Variants in CELSR2 observed in about 807,000 individuals in gnomAD.
CELSR2 encodes the protein EGF-like protein 2.
Under a neutral mutation model 251.6 loss-of-function variants are expected in CELSR2, and 81 were observed. The ratio of observed to expected loss-of-function variants is 0.32; its 90% confidence interval spans 0.27 to 0.39. The LOEUF is 0.39. Among genes scored for constraint, CELSR2 ranks in the 10% least tolerant of loss-of-function variants. CELSR2 has a pLI of 1.00. For missense variants in CELSR2, 3,365 were observed against 3,947.7 expected (o/e 0.85, Z 3.96); for synonymous variants, 1,721 against 1,670.5 (o/e 1.03, Z -0.74).
chr1:109,250,481 G>A lies in CELSR2; in HGVS notation c.402G>A (p.Glu134=), dbSNP rs1356282964. 1.9e-6 allele frequency: 3 copies of A among 1,613,644 alleles called. No homozygotes were observed. The highest frequency in any genetic ancestry group is 1.7e-6 in the Non-Finnish European group (2 of 1,180,034). The change falls in exon 1 of 34, where the codon GAG becomes GAA. Residue 134 remains glutamate, a synonymous_variant. Transcript: ENST00000271332. The surrounding 1 kb of genome is among the most constrained non-coding windows in gnomAD (Gnocchi z 4.4). ...SPQGKLTLPE[E]HPCLKAPRLR... is the part of the protein sequence containing the mutation. The stretch of plus-strand genomic sequence containing the variant: ...AGGGCAAGCTCACACTGCCCGAGGA[G>A]CACCCGTGCTTAAAGGCTCCACGGC...
rs1157280442 is a variant in CELSR2 at position 109,249,995 on chromosome 1, G to A, written c.-85G>A. ...CCCCGGGGACTGGCGCCCTGGCCCG[G>A]GCATGAGGCGCGGCGGGGCCGGCAG... On this transcript the variant is annotated 5_prime_UTR_variant, in exon 1 of 34. Transcript: ENST00000271332. 2 of 1,205,826 alleles carry A rather than the reference G, an allele frequency of 1.7e-6. No individual in the cohort carries two copies. The highest frequency in any genetic ancestry group is 2.1e-6 in the Non-Finnish European group (2 of 970,418). The allele number at this position is 1,205,826 out of a possible 1,614,324, so 74.7% of individuals were successfully genotyped here.
intron 2 of CELSR2, 88 bp downstream of exon 2, chr1:109,259,167 C>T: frequency 2.5e-6 from 3 of 1,190,598 alleles, no homozygotes; most frequent in Non-Finnish European, 3.5e-6. Context: ...TGGCGGCTGC[C>T]TCATTCTCTT....
chr1:109,265,753 C>G lies in CELSR2; in HGVS notation c.5746C>G (p.Pro1916Ala), dbSNP rs1303013828. 1 of 1,611,988 alleles carries G rather than the reference C, an allele frequency of 6.2e-7. No homozygotes were observed. Among genetic ancestry groups the G allele is most frequent in the East Asian group, 2.2e-5 (1 of 44,790 alleles). The change falls in exon 14 of 34, where the codon CCA becomes GCA. Residue 1916 changes from proline to alanine, a missense_variant. Around this residue, in one of 5 missense-constraint regions of CELSR2, gnomAD observed 2,093 missense variants for 2,382.8 expected, o/e 0.88. Coordinates refer to ENST00000271332, the MANE Select transcript of CELSR2 (RefSeq NM_001408.3). The stretch of plus-strand genomic sequence containing the variant: ...TTCTCAGGAGAACCACTACCGGCCC[C>G]CAGGCAGCCCCACCTGCCTCTTGTG... Reference protein sequence around the residue: ...CHCKENHYRPPGSPTCLLCDC... With the variant: ...CHCKENHYRPAGSPTCLLCDC...
chr1:109,259,353 C>T (rs964100819), intron 2 of CELSR2, among the ~76,000 whole-genome samples: 9 of 152,254 alleles, frequency 5.9e-5, no homozygotes, highest in South Asian at 2.1e-4. Flanking sequence ...CGTGTATCAG[C>T]TTTGCCGCTA....
At position 109,272,850 on chromosome 1, in the gene CELSR2, G is replaced by A. The variant is rs150439556; in HGVS notation, c.8161G>A (p.Asp2721Asn). ...DQQHDPDTDS[D>N]SDLSLEDDQS... ...CCTCCTAGATCCTGACACGGACTCC[G>A]ACAGTGACCTGTCCTTAGAAGACGA... The change falls in exon 31 of 34, where the codon GAC becomes AAC. Residue 2721 changes from aspartate to asparagine, a missense_variant. Asp to Asn is a conservative substitution (Grantham distance 23, BLOSUM62 1). This residue lies in a region of CELSR2 where 2,093 missense variants were observed against 2,382.8 expected (regional missense o/e 0.88). Transcript: ENST00000271332. 1.1e-5 allele frequency: 17 copies of A among 1,613,542 alleles called. No individual in the cohort carries two copies. Among genetic ancestry groups the A allele is most frequent in the Admixed American group, 3.3e-5 (2 of 60,012 alleles).
At position 109,267,561 on chromosome 1, in the gene CELSR2, C is replaced by G. The variant is rs61761209; in HGVS notation, c.6027C>G (p.Arg2009=). ...TCCTTCCCCCAGGGACTGCTGTGCG[C>G]CACTGTGATGAGCACAGGGGGTGGC... The part of the protein sequence containing the change: ...CPKGSFGTAV[R]HCDEHRGWLP... Residue 2009 remains arginine (R), a synonymous_variant, in exon 16 of 34, where the codon CGC becomes CGG. Transcript: ENST00000271332. The G allele has an allele frequency of 1.9e-6, 3 of 1,614,050 alleles. No individual in the cohort carries two copies. Among genetic ancestry groups the G allele is most frequent in the South Asian group, 1.1e-5 (1 of 91,082 alleles).
In CELSR2 at chr1:109,258,782, G is replaced by T. The variant is rs1187458854; in HGVS notation, c.3661G>T (p.Ala1221Ser). 1.9e-6 allele frequency: 3 copies of T among 1,604,814 alleles called. No individual in the cohort carries two copies. The highest frequency in any genetic ancestry group is 2.6e-6 in the Non-Finnish European group (3 of 1,175,912). ...CCGCAGCCTGCTGACGGCCATCTCG[G>T]CACAGCGCGTGCTGCCCTTCGACGA... The part of the protein sequence containing the change: ...LNRSLLTAIS[A>S]QRVLPFDDNI... Residue 1221 changes from alanine to serine, a missense_variant, in exon 2 of 34, where the codon GCA becomes TCA. Coordinates refer to ENST00000271332, the MANE Select transcript of CELSR2 (RefSeq NM_001408.3).
chr1:109,262,715 G>C (rs116137645), intron 6 of CELSR2, 91 bp from the exon 7 acceptor site: 19 of 1,557,634 alleles, frequency 1.2e-5, no homozygotes, highest in Non-Finnish European at 1.7e-5. Context: ...ACCTGCCTAC[G>C]CCGTTCGTGT....
rs1362474868 is a variant in CELSR2 at position 109,252,676 on chromosome 1, T to C, written c.2597T>C (p.Val866Ala). The change falls in exon 1 of 34, where the codon GTT becomes GCT. Residue 866 changes from valine to alanine, a missense_variant. By Grantham distance (64) the Val-to-Ala change is moderately conservative (BLOSUM62 0). Around this residue, in one of 5 missense-constraint regions of CELSR2, gnomAD observed 505 missense variants for 660.0 expected, o/e 0.77. Coordinates refer to ENST00000271332, the MANE Select transcript of CELSR2 (RefSeq NM_001408.3). The surrounding 1 kb of genome is among the most constrained non-coding windows in gnomAD (Gnocchi z 4.8). ...GACGATGGAGACGGTGACTTTATTG[T>C]TGAGTCCACGTCAGGCATCGTGCGA... is the stretch of plus-strand genomic sequence containing the variant. ...GGDDGDGDFI[V>A]ESTSGIVRTL... is the part of the protein sequence containing the mutation. 6.2e-7 allele frequency: 1 copy of C among 1,613,842 alleles called. No individual in the cohort carries two copies. Among genetic ancestry groups the C allele is most frequent in the Admixed American group, 1.7e-5 (1 of 60,008 alleles).
At chr1:109,267,771 A>G in intron 16 of CELSR2, 80 bp from the exon 17 acceptor site, 1 of 1,565,898 alleles carries the variant, frequency 6.4e-7, no homozygotes, top group South Asian at 1.2e-5. Context: ...CCAGCTGGAG[A>G]GGCCGTCTCT....
At position 109,254,787 on chromosome 1, in the gene CELSR2, G is replaced by A. The variant is rs576475503; in HGVS notation, c.3310+1398G>A. 1.0e-3 allele frequency among the ~76,000 whole-genome samples: 152 copies of A among 152,320 alleles called. 1 individual carries two copies. Among genetic ancestry groups the A allele is most frequent in the Middle Eastern group, 3.4e-3 (1 of 294 alleles). ...TCAAAGTAGCCACAGGAACCAGGAA[G>A]CAGGAGCTTTTCAGGGACTGTGGCT... On this transcript the variant is annotated intron_variant, in intron 1 of 33. Transcript: ENST00000271332.
rs1239562052 is a variant in CELSR2 at position 109,273,299 on chromosome 1, A to G, written c.8472A>G (p.Leu2824=). The G allele has an allele frequency of 6.2e-7, 1 of 1,600,790 alleles. No homozygotes were observed. The highest frequency in any genetic ancestry group is 2.2e-5 in the East Asian group (1 of 44,758). The part of the protein sequence containing the change: ...NGDALSREGS[L]GPLPGSSAQP... ...ATGCCCTGTCTCGAGAGGGGTCCCT[A>G]GGCCCCCTTCCAGGCTCTTCTGCCC... Residue 2824 remains leucine, a synonymous_variant, in exon 32 of 34, where the codon CTA becomes CTG. Coordinates refer to ENST00000271332, the MANE Select transcript of CELSR2 (RefSeq NM_001408.3).
At chr1:109,260,083 T>G (rs1410157623) in intron 2 of CELSR2, among the ~76,000 whole-genome samples, 1 of 146,290 alleles carries the variant, frequency 6.8e-6, no homozygotes, top group African/African-American at 2.5e-5. Flanking sequence ...TTGCCAGACT[T>G]GACTTCTCTC....
intron 1 of CELSR2, among the ~76,000 whole-genome samples, chr1:109,256,293 A>T (rs1225088622): frequency 6.6e-6 from 1 of 152,146 alleles, no homozygotes; most frequent in Non-Finnish European, 1.5e-5. Flanking sequence ...GGTGGGAAGG[A>T]ACAGCCTGTG....
At chr1:109,267,509 G>A (rs778767978) in intron 15 of CELSR2, 39 bp from the exon 16 acceptor site, 6 of 1,588,052 alleles carry the variant, frequency 3.8e-6, no homozygotes, top group Non-Finnish European at 5.2e-6. Flanking sequence ...CTTCCTGTGT[G>A]TCTCCCTGAG....
chr1:109,268,646 GCAGA>G lies in CELSR2; in HGVS notation c.6389_6392del (p.Thr2130ArgfsTer27). The G allele has an allele frequency of 6.2e-7, 1 of 1,614,042 alleles. No individual in the cohort carries two copies. The highest frequency in any genetic ancestry group is 8.5e-7 in the Non-Finnish European group (1 of 1,179,998). ...ACAAGCGGCACTGGGAGCTGATCCA[GCAGA>G]CAGAGGGTGGCACCGCCTGGCTGCT... On this transcript the variant is annotated frameshift_variant, in exon 18 of 34. Transcript: ENST00000271332. LOFTEE classifies it high-confidence loss of function.
intron 13 of CELSR2, 96 bp from the exon 14 acceptor site, chr1:109,265,639 C>G (rs943123642): frequency 1.4e-6 from 2 of 1,446,282 alleles, no homozygotes; most frequent in African/African-American, 1.4e-5. Flanking sequence ...GACCTGAGGT[C>G]GGGACCCTCT....
Position 109,275,293 on chromosome 1 carries a change from T to C in CELSR2, c.*1244T>C, listed in dbSNP as rs1347879157. The stretch of plus-strand genomic sequence containing the variant: ...CTGGGTGTTCCCAGCAGCCCTGGCT[T>C]GGGGGCTTGACGCCCTTCCCCTTGC... On this transcript the variant is annotated 3_prime_UTR_variant, in exon 34 of 34. Transcript: ENST00000271332. 2 of 152,248 alleles carry C rather than the reference T, an allele frequency of 1.3e-5. No homozygotes were observed. The highest frequency in any genetic ancestry group is 3.9e-4 in the East Asian group (2 of 5,190). The allele number at this position is 152,248 out of a possible 1,614,324, so 9.4% of individuals were successfully genotyped here. A position where few individuals can be genotyped will look rare whatever the true frequency, so the allele number is the denominator to read the frequency against.
Position 109,264,176 on chromosome 1 carries a change from CCAT to C in CELSR2, c.5101_5103del (p.His1701del). ...GCCGGGCCAATGACGGTGACTGGCA[CCAT>C]GCACAGCTGGCACTGGGAGCCAGCG... On this transcript the variant is annotated inframe_deletion, in exon 10 of 34. Transcript: ENST00000271332. 1 of 1,612,790 alleles carries C rather than the reference CCAT, an allele frequency of 6.2e-7. No individual in the cohort carries two copies.
Sources: allele counts gnomAD v4.1 joint callset (sites outside exome capture counted in the v4.1 genomes callset), GRCh38; gene constraint gnomAD v4.1.1; regional missense constraint gnomAD v4.1.1; non-coding constraint Gnocchi (gnomAD v3.1); transcripts MANE v1.5; gene names NCBI Gene and HGNC (gene_info 2026-07-23, HGNC 2026-07-21).